The following CNTN4 variants were observed in gnomAD, a reference collection of about 807,000 sequenced individuals.
CNTN4 encodes the protein contactin 4, also known as contactin-4.
In CNTN4, 77 loss-of-function variants were observed where a neutral mutation model predicts 122.5. The ratio of observed to expected loss-of-function variants is 0.63; its 90% CI spans 0.52 to 0.76. The LOEUF (loss-of-function observed/expected upper bound fraction) is 0.76, where lower values mean the gene tolerates loss of function less well. Among genes scored for constraint, CNTN4 ranks in the 30% least tolerant of loss-of-function variants. The probability of loss-of-function intolerance (pLI) is 0.00; values close to 1 mark genes in which losing one functional copy is unlikely to be tolerated. For synonymous variants in CNTN4, 512 were observed against 447.0 expected (o/e 1.15, Z -1.83); for missense variants, 1,256 against 1,259.1 (o/e 1.00, Z 0.04).
intron 14 of CNTN4, among the ~76,000 whole-genome samples, chr3:3,007,595 T>C (rs1279235664): frequency 6.6e-6 from 1 of 152,222 alleles, no homozygotes; most frequent in African/African-American, 2.4e-5. Flanking sequence ...TGAAACAGTA[T>C]GCAGAACAAT....
chr3:2,291,069 T>G (rs2149994695), intron 2 of CNTN4, among the ~76,000 whole-genome samples: 1 of 152,338 alleles, frequency 6.6e-6, no homozygotes, highest in Admixed American at 6.5e-5. Flanking sequence ...GCTGTACTTT[T>G]GAATAACTGC....
intron 5 of CNTN4, among the ~76,000 whole-genome samples, chr3:2,738,475 A>G (rs1422510363): frequency 1.3e-5 from 2 of 152,234 alleles, no homozygotes; most frequent in African/African-American, 4.8e-5. Flanking sequence ...AGGAAATTTT[A>G]AAAGACATAC....
intron 7 of CNTN4, among the ~76,000 whole-genome samples, chr3:2,856,130 A>C (rs1053037798): frequency 6.6e-6 from 1 of 152,140 alleles, no homozygotes; most frequent in Non-Finnish European, 1.5e-5. Context: ...CGATTCAACT[A>C]ATGCTTAGTA....
At chr3:2,424,772 A>C (rs1247500899) in intron 3 of CNTN4, among the ~76,000 whole-genome samples, 1 of 152,160 alleles carries the variant, frequency 6.6e-6, no homozygotes, top group Non-Finnish European at 1.5e-5. Context: ...CTGGTGTGAG[A>C]TGGCGTCTCA....
chr3:2,816,353 CAAAAAAAAT>C (rs1300334480), intron 6 of CNTN4, among the ~76,000 whole-genome samples: 1 of 146,632 alleles, frequency 6.8e-6, no homozygotes, highest in East Asian at 2.0e-4. Flanking sequence ...GACTCCATCT[CAAAAAAAAT>C]AAAAAAAATA....
chr3:2,134,943 C>T (rs1378280285), intron 2 of CNTN4, among the ~76,000 whole-genome samples: 1 of 152,142 alleles, frequency 6.6e-6, no homozygotes. Context: ...CTCACAGACA[C>T]ACCCAGAAGT....
At chr3:2,116,598 A>C (rs957981146) in intron 2 of CNTN4, among the ~76,000 whole-genome samples, 2 of 152,188 alleles carry the variant, frequency 1.3e-5, no homozygotes, top group African/African-American at 4.8e-5. Context: ...TAATTCTTCT[A>C]GGTAGATATA....
At chr3:2,499,870 A>T (rs2076549868) in intron 3 of CNTN4, among the ~76,000 whole-genome samples, 1 of 152,058 alleles carries the variant, frequency 6.6e-6, no homozygotes, top group Non-Finnish European at 1.5e-5. Flanking sequence ...TGAACCTGGT[A>T]TGTCTCTCTG....
chr3:2,902,945 C>T lies in CNTN4; in HGVS notation c.1147C>T (p.Gln383Ter). The T allele has an allele frequency of 1.2e-6, 2 of 1,613,726 alleles. No individual in the cohort carries two copies. Among genetic ancestry groups the T allele is most frequent in the Non-Finnish European group, 1.7e-6 (2 of 1,179,780 alleles). The change falls in exon 12 of 25, where the codon CAG becomes TAG. Residue 383 changes from glutamine to a stop codon, truncating the protein, a stop_gained. Coordinates refer to ENST00000418658, the MANE Select transcript of CNTN4 (RefSeq NM_175607.3). LOFTEE classifies it high-confidence loss of function. ...IVNLSDAGMY[Q>*]CLAENKHGVI... ...GAACCTCTCAGATGCTGGCATGTATCAGTGTTTGGCAGAGAATAAACATGG... is the reference window on the plus strand; with the variant it reads ...GAACCTCTCAGATGCTGGCATGTATTAGTGTTTGGCAGAGAATAAACATGG...
intron 14 of CNTN4, among the ~76,000 whole-genome samples, chr3:3,003,709 A>AAC (rs1696294961): frequency 2.0e-5 from 3 of 148,946 alleles, no homozygotes; most frequent in African/African-American, 7.6e-5. Flanking sequence ...AAAAAAAAAA[A>AAC]AAAAACAAAA....
At chr3:2,381,138 T>TG (rs2046003782) in intron 3 of CNTN4, among the ~76,000 whole-genome samples, 1 of 152,082 alleles carries the variant, frequency 6.6e-6, no homozygotes, top group Non-Finnish European at 1.5e-5. Flanking sequence ...CCTGAGTAGC[T>TG]GGGACTACAG....
At chr3:2,612,496 C>G (rs2081542460) in intron 4 of CNTN4, among the ~76,000 whole-genome samples, 1 of 152,012 alleles carries the variant, frequency 6.6e-6, no homozygotes, top group African/African-American at 2.4e-5. Context: ...TGAATTGGAA[C>G]ACACACAGTT....
At chr3:2,371,177 A>G (rs1292620800) in intron 3 of CNTN4, among the ~76,000 whole-genome samples, 1 of 152,206 alleles carries the variant, frequency 6.6e-6, no homozygotes, top group Non-Finnish European at 1.5e-5. Context: ...TCATCAAGCC[A>G]GCCAGAAATT....
chr3:2,289,213 A>G (rs1360289089), intron 2 of CNTN4, among the ~76,000 whole-genome samples: 3 of 152,242 alleles, frequency 2.0e-5, no homozygotes, highest in Non-Finnish European at 2.9e-5. Context: ...GATTTCTAAC[A>G]TGAATGATGG....
At chr3:2,727,748 A>G (rs2088337389) in intron 4 of CNTN4, among the ~76,000 whole-genome samples, 1 of 152,242 alleles carries the variant, frequency 6.6e-6, no homozygotes, top group Non-Finnish European at 1.5e-5. Flanking sequence ...TGTTAACAAG[A>G]GAACAAAGAA....
chr3:2,772,583 C>G (rs1486037565), intron 6 of CNTN4, among the ~76,000 whole-genome samples: 2 of 152,008 alleles, frequency 1.3e-5, no homozygotes, highest in African/African-American at 4.8e-5. Context: ...TCACACAAAC[C>G]TGGATTCTTA....
chr3:2,368,102 G>T (rs1465476372), intron 3 of CNTN4, among the ~76,000 whole-genome samples: 3 of 144,172 alleles, frequency 2.1e-5, no homozygotes, highest in African/African-American at 7.9e-5. Flanking sequence ...GCGCGATCTC[G>T]GCTCACTGCA....
chr3:2,964,233 C>T (rs74548250), intron 13 of CNTN4, among the ~76,000 whole-genome samples: 2,321 of 152,242 alleles, frequency 0.015, 66 homozygotes, highest in African/African-American at 0.053. Context: ...TCTACCTCCA[C>T]CCAAAGTAAT....
intron 2 of CNTN4, among the ~76,000 whole-genome samples, chr3:2,257,170 G>C (rs1340417311): frequency 1.3e-5 from 2 of 152,126 alleles, no homozygotes; most frequent in East Asian, 3.9e-4. Context: ...ACTAACCTGA[G>C]AAAGACAAGC....
Sources: allele counts gnomAD v4.1 joint callset (sites outside exome capture counted in the v4.1 genomes callset), GRCh38; gene constraint gnomAD v4.1.1; transcripts MANE v1.5; gene names NCBI Gene and HGNC (gene_info 2026-07-23, HGNC 2026-07-21).